GDA: variants seen among roughly 807,000 people sequenced by gnomAD.
The protein encoded by GDA is guanine deaminase.
A neutral mutation model predicts 59.6 loss-of-function variants in GDA; 18 were observed. The ratio of observed to expected loss-of-function variants is 0.30; its 90% CI spans 0.21 to 0.45. GDA has a LOEUF of 0.45. Among genes scored for constraint, GDA ranks in the 20% least tolerant of loss-of-function variants. GDA has a pLI of 1.00. For synonymous variants in GDA, 201 were observed against 201.1 expected (o/e 1.00, Z 0.00); for missense variants, 427 against 552.3 (o/e 0.77, Z 2.27).
At chr9:72,149,915 A>G (rs538394054) in intron 1 of GDA, among the ~76,000 whole-genome samples, 13 of 152,378 alleles carry the variant, frequency 8.5e-5, no homozygotes, top group African/African-American at 2.9e-4. Flanking sequence ...TAACGCCACA[A>G]CTGGCTCGAC....
intron 2 of GDA, among the ~76,000 whole-genome samples, chr9:72,199,909 T>C (rs898969578): frequency 1.3e-5 from 2 of 152,142 alleles, no homozygotes; most frequent in African/African-American, 4.8e-5. Flanking sequence ...GCTTAAGATG[T>C]TGGTTTGTTC....
Position 72,192,908 on chromosome 9 carries a change from C to T in GDA, c.124-2592C>T, listed in dbSNP as rs181812680. Among the ~76,000 whole-genome samples the T allele has an allele frequency of 4.6e-5, 7 of 151,574 alleles. No homozygotes were observed. In the East Asian group the frequency reaches 1.2e-3, roughly 25 times the overall value. ...CAACAACAACAACAACAACAACAAACAACAGTCTGATGCATTCTTCATTAT... is the reference window on the plus strand; with the variant it reads ...CAACAACAACAACAACAACAACAAATAACAGTCTGATGCATTCTTCATTAT... On this transcript the variant is annotated intron_variant, in intron 1 of 13. Coordinates refer to ENST00000358399, the MANE Select transcript of GDA (RefSeq NM_004293.5).
Position 72,142,554 on chromosome 9 carries a change from C to G in GDA, c.-100+27721C>G, listed in dbSNP as rs145747310. ...TGCCACTGAACTCCAGCCTGGGCAACAGAGCAAGACTCCATCTCAAAAAAA... is the reference window on the plus strand; with the variant it reads ...TGCCACTGAACTCCAGCCTGGGCAAGAGAGCAAGACTCCATCTCAAAAAAA... On this transcript the variant is annotated intron_variant, in intron 1 of 13. Coordinates refer to the GDA transcript ENST00000545168. Among the ~76,000 whole-genome samples, 258 of 149,348 alleles carry G rather than the reference C, an allele frequency of 1.7e-3. 3 individuals carry two copies. The East Asian group carries it at 0.046, about 27-fold the overall frequency.
At chr9:72,178,036 TA>T (rs1830739755) in intron 1 of GDA, among the ~76,000 whole-genome samples, 1 of 152,210 alleles carries the variant, frequency 6.6e-6, no homozygotes, top group Non-Finnish European at 1.5e-5. Flanking sequence ...TCCATTCTTA[TA>T]AAATGCCACA....
intron 1 of GDA, among the ~76,000 whole-genome samples, chr9:72,154,085 C>T (rs372346175): frequency 1.2e-3 from 187 of 152,280 alleles, no homozygotes; most frequent in African/African-American, 4.3e-3. Flanking sequence ...GTCAGGTTGA[C>T]AGTAAAGATG....
At chr9:72,154,925 C>T (rs1827716344) in intron 1 of GDA, among the ~76,000 whole-genome samples, 1 of 152,120 alleles carries the variant, frequency 6.6e-6, no homozygotes, top group East Asian at 1.9e-4. Flanking sequence ...AATTGATGAA[C>T]AAAGTATGCA....
chr9:72,231,078 T>C (rs1300365931), intron 9 of GDA, 36 bp from the exon 10 acceptor site: 12 of 1,203,066 alleles, frequency 1.0e-5, no homozygotes, highest in Non-Finnish European at 1.5e-5. Flanking sequence ...TGGAACCACA[T>C]GGATCTCCTT....
At chr9:72,239,961 T>C (rs2131771592) in intron 10 of GDA, among the ~76,000 whole-genome samples, 1 of 152,304 alleles carries the variant, frequency 6.6e-6, no homozygotes, top group South Asian at 2.1e-4. Context: ...ATTACATATG[T>C]CTACCTAGAA....
intron 10 of GDA, among the ~76,000 whole-genome samples, chr9:72,240,354 C>T (rs1839476621): frequency 6.6e-6 from 1 of 152,126 alleles, no homozygotes. Flanking sequence ...GTGAATAGAA[C>T]CATGAGCTTA....
At chr9:72,183,896 G>C (rs539153993) in intron 1 of GDA, among the ~76,000 whole-genome samples, 2 of 152,236 alleles carry the variant, frequency 1.3e-5, no homozygotes, top group South Asian at 4.2e-4. Flanking sequence ...CTTCTACAGA[G>C]ATCAGAAGAG....
chr9:72,224,372 A>G (rs1208192735), intron 7 of GDA, among the ~76,000 whole-genome samples: 1 of 152,178 alleles, frequency 6.6e-6, no homozygotes, highest in East Asian at 1.9e-4. Flanking sequence ...TTGTCTGAGT[A>G]AAACACGTGT....
intron 1 of GDA, 81 bp downstream of exon 1, chr9:72,149,763 C>G (rs528771318): frequency 6.2e-5 from 88 of 1,418,354 alleles, no homozygotes; most frequent in South Asian, 2.1e-4. Flanking sequence ...TCGCGTAGCC[C>G]GGGGTTCGCT....
chr9:72,215,196 A>G (rs528391567), intron 5 of GDA, among the ~76,000 whole-genome samples: 42 of 152,368 alleles, frequency 2.8e-4, no homozygotes, highest in African/African-American at 9.4e-4. Flanking sequence ...AAAATAGTAT[A>G]CAAGAAGTTA....
At chr9:72,196,410 C>T (rs1237887456) in intron 2 of GDA, among the ~76,000 whole-genome samples, 2 of 150,976 alleles carry the variant, frequency 1.3e-5, no homozygotes, top group Non-Finnish European at 3.0e-5. Context: ...CTCTTGAAGC[C>T]CGGGGGGCAG....
intron 3 of GDA, among the ~76,000 whole-genome samples, chr9:72,206,696 C>T (rs759192614): frequency 2.0e-5 from 3 of 152,040 alleles, no homozygotes; most frequent in Admixed American, 6.6e-5. Flanking sequence ...TCTCTTGAAC[C>T]CAGGAGGTGG....
chr9:72,249,281 G>A lies in GDA; in HGVS notation c.*939G>A. On this transcript the variant is annotated 3_prime_UTR_variant, in exon 14 of 14. Transcript: ENST00000358399. ...CAATACTAACAGGACAGGTTCCATT[G>A]CCATGGCCTATTCCACCCAAACAAT... 1.0e-6 allele frequency: 1 copy of A among 985,332 alleles called. No individual in the cohort carries two copies. Among genetic ancestry groups the A allele is most frequent in the Non-Finnish European group, 1.2e-6 (1 of 829,886 alleles). The allele number at this position is 985,332 out of a possible 1,614,324, so 61.0% of individuals were successfully genotyped here.
rs934393444 is a variant in GDA at position 72,235,874 on chromosome 9, C to G, written c.988+4693C>G. Among the ~76,000 whole-genome samples the G allele has an allele frequency of 3.4e-4, 51 of 152,018 alleles. 1 individual carries two copies. Among genetic ancestry groups the G allele is most frequent in the African/African-American group, 1.2e-3 (51 of 41,396 alleles). ...ATAGCAAATAACCAAAAACACTCAT[C>G]TGAAGGAAAAATTTAAACATATAGA... On this transcript the variant is annotated intron_variant, in intron 10 of 13. Coordinates refer to ENST00000358399, the MANE Select transcript of GDA (RefSeq NM_004293.5).
chr9:72,247,492 T>A (rs1840275609), intron 13 of GDA, 59 bp downstream of exon 13: 5 of 887,978 alleles, frequency 5.6e-6, no homozygotes, highest in South Asian at 2.8e-5. Context: ...TGTCTTTTTC[T>A]TGGGTATGGC....
At chr9:72,189,974 G>A (rs568774090) in intron 1 of GDA, among the ~76,000 whole-genome samples, 1 of 152,344 alleles carries the variant, frequency 6.6e-6, no homozygotes, top group Admixed American at 6.5e-5. Context: ...AATTGCCATT[G>A]TAACAGTATT....
Sources: allele counts gnomAD v4.1 joint callset (sites outside exome capture counted in the v4.1 genomes callset), GRCh38; gene constraint gnomAD v4.1.1; transcripts MANE v1.5; gene names NCBI Gene and HGNC (gene_info 2026-07-23, HGNC 2026-07-21).